The following ITGA8 variants were observed in gnomAD, a reference collection of about 807,000 sequenced individuals.
The protein encoded by ITGA8 is integrin alpha-8.
A neutral mutation model predicts 142.3 loss-of-function variants in ITGA8; 91 were observed. The observed-to-expected ratio is 0.64, with a 90% CI of 0.54 to 0.76. The LOEUF (loss-of-function observed/expected upper bound fraction) is 0.76. Ranked by LOEUF, ITGA8 falls within the 30% of genes least tolerant of loss-of-function variation. The probability of loss-of-function intolerance (pLI) is 0.00; values close to 1 mark genes in which losing one functional copy is unlikely to be tolerated. For synonymous variants in ITGA8, 505 were observed against 485.2 expected, an observed-to-expected ratio of 1.04 and a Z score of -0.54; for missense variants, 1,406 against 1,327.7, an observed-to-expected ratio of 1.06 and a Z score of -0.92.
intron 8 of ITGA8, among the ~76,000 whole-genome samples, chr10:15,666,343 G>C (rs1393141429): frequency 6.6e-6 from 1 of 152,154 alleles, no homozygotes; most frequent in East Asian, 1.9e-4. Flanking sequence ...GTATAAGAAT[G>C]CTTGTGATTT....
intron 4 of ITGA8, 28 bp from the exon 5 acceptor site, chr10:15,678,811 A>G: frequency 1.4e-6 from 2 of 1,440,530 alleles, no homozygotes; most frequent in South Asian, 1.2e-5. Flanking sequence ...CATAAATGTT[A>G]TAACGTTATC....
chr10:15,677,870 T>C (rs1834661411), intron 5 of ITGA8, among the ~76,000 whole-genome samples: 1 of 152,334 alleles, frequency 6.6e-6, no homozygotes, highest in East Asian at 1.9e-4. Context: ...ATTAGGTAAG[T>C]TGAACTCTCT....
intron 9 of ITGA8, among the ~76,000 whole-genome samples, chr10:15,660,189 G>A (rs1834258457): frequency 6.6e-6 from 1 of 152,164 alleles, no homozygotes; most frequent in Non-Finnish European, 1.5e-5. Context: ...CCACAGGTAG[G>A]ACCAGCCTTG....
At chr10:15,628,849 T>C (rs1833634771) in intron 13 of ITGA8, among the ~76,000 whole-genome samples, 1 of 151,936 alleles carries the variant, frequency 6.6e-6, no homozygotes, top group Non-Finnish European at 1.5e-5. Context: ...ACTACAAATA[T>C]TATGTATCAA....
intron 27 of ITGA8, among the ~76,000 whole-genome samples, chr10:15,543,193 A>G (rs17137403): frequency 0.055 from 8,418 of 152,236 alleles, 753 homozygotes; most frequent in African/African-American, 0.19. Flanking sequence ...TTTGAACACA[A>G]CCAGGCAGGA....
chr10:15,536,582 C>G (rs996652400), intron 27 of ITGA8, among the ~76,000 whole-genome samples: 1 of 152,174 alleles, frequency 6.6e-6, no homozygotes, highest in African/African-American at 2.4e-5. Context: ...TAGCAATCTA[C>G]TCATGTAATA....
At chr10:15,608,366 A>C (rs554137060) in intron 15 of ITGA8, 76 bp from the exon 16 acceptor site, 1 of 814,100 alleles carries the variant, frequency 1.2e-6, no homozygotes, top group Non-Finnish European at 2.0e-6. Context: ...ACCTAATCCC[A>C]GATAACGAAT....
At chr10:15,555,859 A>G (rs564035343) in intron 26 of ITGA8, among the ~76,000 whole-genome samples, 1 of 151,318 alleles carries the variant, frequency 6.6e-6, no homozygotes, top group South Asian at 2.1e-4. Flanking sequence ...CCACGCCCGG[A>G]TAATTTTTTT....
At chr10:15,662,303 C>G (rs1834303309) in intron 8 of ITGA8, among the ~76,000 whole-genome samples, 1 of 133,356 alleles carries the variant, frequency 7.5e-6, no homozygotes, top group African/African-American at 2.8e-5. Context: ...TTCAATAACT[C>G]AAGGTGAAAT....
At chr10:15,533,843 C>T (rs1290693129) in intron 27 of ITGA8, among the ~76,000 whole-genome samples, 3 of 152,174 alleles carry the variant, frequency 2.0e-5, no homozygotes, top group Non-Finnish European at 4.4e-5. Flanking sequence ...TCTTTCACTT[C>T]CTTCCTTTGC....
intron 2 of ITGA8, among the ~76,000 whole-genome samples, chr10:15,710,076 A>T (rs1456837650): frequency 1.3e-5 from 2 of 152,112 alleles, no homozygotes; most frequent in African/African-American, 2.4e-5. Flanking sequence ...TTGTGTGTTT[A>T]ATTTTTTCAT....
intron 29 of ITGA8, 86 bp downstream of exon 29, chr10:15,519,204 T>C: frequency 6.6e-7 from 1 of 1,510,860 alleles, no homozygotes; most frequent in Non-Finnish European, 9.0e-7. Context: ...CCTCCATAAT[T>C]GTCTTTTAAA....
At chr10:15,558,978 C>T (rs1317103878) in intron 25 of ITGA8, among the ~76,000 whole-genome samples, 1 of 152,226 alleles carries the variant, frequency 6.6e-6, no homozygotes, top group East Asian at 1.9e-4. Context: ...CACTCCCACC[C>T]TTGAGAATTA....
chr10:15,635,521 G>A lies in ITGA8; in HGVS notation c.1399+8509C>T, dbSNP rs143968203. On this transcript the variant is annotated intron_variant, in intron 13 of 29. Transcript: ENST00000378076. ...ACTAAAATCACACGTGGGAGAACTG[G>A]TTCTAGAACTCAGGCCTTTTCACTT... Among the ~76,000 whole-genome samples, 1,015 of 152,168 alleles carry A rather than the reference G, an allele frequency of 6.7e-3. 2 individuals are homozygous for A. Among genetic ancestry groups the A allele is most frequent in the Middle Eastern group, 0.02 (6 of 294 alleles).
At chr10:15,568,261 G>C (rs913316624) in intron 25 of ITGA8, among the ~76,000 whole-genome samples, 3 of 152,186 alleles carry the variant, frequency 2.0e-5, no homozygotes, top group Non-Finnish European at 4.4e-5. Flanking sequence ...CTGACTTCTA[G>C]AAGCATTTGT....
rs540756350 is a variant in ITGA8 at position 15,550,024 on chromosome 10, C to T, written c.2767-1456G>A. On this transcript the variant is annotated intron_variant, in intron 26 of 29. Coordinates refer to ENST00000378076, the MANE Select transcript of ITGA8 (RefSeq NM_003638.3). ...ATCTTGAATTGTAGCTTCCATGACT[C>T]CCACATGTTGTGGGTGGGACCTGGT... 1.7e-3 allele frequency among the ~76,000 whole-genome samples: 257 copies of T among 152,230 alleles called. 1 individual carries two copies. Among genetic ancestry groups the T allele is most frequent in the Non-Finnish European group, 2.0e-3 (133 of 68,018 alleles).
rs1303507676 is a variant in ITGA8 at position 15,646,931 on chromosome 10, G to C, written c.1122C>G (p.Pro374=). The change falls in exon 12 of 30, where the codon CCC becomes CCG. Residue 374 remains proline, a synonymous_variant. Transcript: ENST00000378076. ...ACGTCTCGGTGCCAGTGAGGATCTG[G>C]GGGTCTCTGAAGAGGAGAGAGCTCA... ...LQVSSLLFRD[P]QILTGTETFG... 1 of 1,614,050 alleles carries C rather than the reference G, an allele frequency of 6.2e-7. No homozygotes were observed. Among genetic ancestry groups the C allele is most frequent in the Admixed American group, 1.7e-5 (1 of 60,022 alleles).
At chr10:15,676,981 C>T (rs1043361887) in intron 6 of ITGA8, among the ~76,000 whole-genome samples, 2 of 152,080 alleles carry the variant, frequency 1.3e-5, no homozygotes, top group African/African-American at 2.4e-5. Context: ...TGCACTCCAG[C>T]CTGGGCAACA....
At chr10:15,562,134 G>T (rs1342812707) in intron 25 of ITGA8, among the ~76,000 whole-genome samples, 1 of 152,210 alleles carries the variant, frequency 6.6e-6, no homozygotes, top group Non-Finnish European at 1.5e-5. Context: ...GATGAGATTT[G>T]TGTGGGGGCA....
Sources: gnomAD v4.1 joint callset for allele counts (sites outside exome capture counted in the v4.1 genomes callset) on GRCh38, gnomAD v4.1.1 for gene constraint, MANE v1.5 for transcripts, NCBI Gene and HGNC (gene_info 2026-07-23, HGNC 2026-07-21) for gene names.